Variants in RNLS observed in about 807,000 individuals in gnomAD.
RNLS encodes the protein renalase.
A neutral mutation model predicts 39.8 loss-of-function variants in RNLS; 39 were observed. The ratio of observed to expected loss-of-function variants is 0.98; its 90% CI spans 0.76 to 1.28. RNLS has a LOEUF of 1.28. RNLS is among the 50% of genes most tolerant of loss of function. The pLI is 0.00. For missense variants in RNLS, 410 were observed against 413.3 expected, an observed-to-expected ratio of 0.99 and a Z score of 0.07; for synonymous variants, 147 against 150.7, an observed-to-expected ratio of 0.98 and a Z score of 0.18.
intron 6 of RNLS, among the ~76,000 whole-genome samples, chr10:88,310,824 A>AAAAAAAAAAAAAG (rs1217903555): frequency 2.3e-3 from 265 of 113,046 alleles, no homozygotes; most frequent in Non-Finnish European, 3.1e-3. Flanking sequence ...AAAAAAAAAA[A>AAAAAAAAAAAAAG]AAAGAAAGAA....
the RNLS span, among the ~76,000 whole-genome samples, chr10:88,182,058 A>C: frequency 6.6e-6 from 1 of 152,162 alleles, no homozygotes; most frequent in African/African-American, 2.4e-5. Flanking sequence ...GGTGTGGGGT[A>C]GGTCAAATAT....
chr10:88,305,240 TTACAAAAACACA>T (rs1844834132), intron 6 of RNLS, among the ~76,000 whole-genome samples: 1 of 151,982 alleles, frequency 6.6e-6, no homozygotes, highest in Non-Finnish European at 1.5e-5. Context: ...TTACCAGCCA[TTACAAAAACACA>T]CTGAAGACCA....
intron 6 of RNLS, among the ~76,000 whole-genome samples, chr10:88,292,241 T>C (rs183176452): frequency 6.7e-6 from 1 of 150,342 alleles, no homozygotes; most frequent in Admixed American, 6.7e-5. Context: ...AAATATGATC[T>C]AGGATGCTGC....
At chr10:88,427,178 T>C (rs940071760) in intron 4 of RNLS, among the ~76,000 whole-genome samples, 2 of 152,048 alleles carry the variant, frequency 1.3e-5, no homozygotes, top group Non-Finnish European at 2.9e-5. Context: ...CTAGTGCGTC[T>C]AATCTTTACT....
the RNLS span, among the ~76,000 whole-genome samples, chr10:88,216,573 G>C: frequency 6.6e-6 from 1 of 152,150 alleles, no homozygotes; most frequent in Non-Finnish European, 1.5e-5. Flanking sequence ...TTATTGGATT[G>C]GCTTGGGTCA....
At chr10:88,541,918 G>A (rs971611246) in intron 4 of RNLS, among the ~76,000 whole-genome samples, 1 of 152,104 alleles carries the variant, frequency 6.6e-6, no homozygotes, top group South Asian at 2.1e-4. Context: ...GAACTAGGGA[G>A]CTGGGAAAGA....
Position 88,510,043 on chromosome 10 carries a change from C to T in RNLS, c.526+62860G>A, listed in dbSNP as rs539353938. 6.6e-5 allele frequency among the ~76,000 whole-genome samples: 10 copies of T among 152,168 alleles called. No individual in the cohort carries two copies. In the East Asian group the frequency reaches 1.9e-3, roughly 29 times the overall value. ...GATATTAACATTTGGAGTACATATG[C>T]CTACTGAGGCTTTTAATATAAATGA... On this transcript the variant is annotated intron_variant, in intron 4 of 6. Coordinates refer to ENST00000331772, the MANE Select transcript of RNLS (RefSeq NM_001031709.3).
intron 4 of RNLS, among the ~76,000 whole-genome samples, chr10:88,467,490 G>A (rs1843281367): frequency 6.6e-6 from 1 of 151,984 alleles, no homozygotes; most frequent in Non-Finnish European, 1.5e-5. Context: ...CTTTGACAGG[G>A]TAGGGTTTAC....
intron 5 of RNLS, among the ~76,000 whole-genome samples, chr10:88,342,875 C>G (rs1848053284): frequency 6.6e-6 from 1 of 152,032 alleles, no homozygotes; most frequent in Admixed American, 6.5e-5. Context: ...GGCTTCAGGC[C>G]AAATCTGGCC....
At chr10:88,433,867 T>C (rs1041525277) in intron 4 of RNLS, among the ~76,000 whole-genome samples, 1 of 152,140 alleles carries the variant, frequency 6.6e-6, no homozygotes, top group Non-Finnish European at 1.5e-5. Flanking sequence ...TAATGCAATA[T>C]GCTTATAATT....
At chr10:88,277,491 AG>A (rs1440282461) in intron 6 of RNLS, among the ~76,000 whole-genome samples, 4 of 152,308 alleles carry the variant, frequency 2.6e-5, no homozygotes, top group Non-Finnish European at 5.9e-5. Context: ...AGAAAAAAAA[AG>A]ATAGTCCTTT....
the RNLS span, among the ~76,000 whole-genome samples, chr10:88,228,909 C>T: frequency 6.6e-6 from 1 of 152,168 alleles, no homozygotes; most frequent in Admixed American, 6.5e-5. Context: ...CTTCCTCCTA[C>T]TCAATGTAGG....
chr10:88,554,915 C>T (rs1848782477), intron 4 of RNLS, among the ~76,000 whole-genome samples: 1 of 152,102 alleles, frequency 6.6e-6, no homozygotes, highest in Admixed American at 6.6e-5. Flanking sequence ...TTCTAACAGC[C>T]TAATTATTTG....
the RNLS span, among the ~76,000 whole-genome samples, chr10:88,209,498 G>C: frequency 6.6e-6 from 1 of 152,130 alleles, no homozygotes; most frequent in South Asian, 2.1e-4. Context: ...GGCAAGGAAG[G>C]ATTCTCTTCA....
intron 5 of RNLS, among the ~76,000 whole-genome samples, chr10:88,317,526 C>T (rs1158762330): frequency 6.6e-6 from 1 of 152,188 alleles, no homozygotes; most frequent in Non-Finnish European, 1.5e-5. Context: ...GAAGACTATT[C>T]CTGGGTATAG....
At chr10:88,182,849 C>A in the RNLS span, among the ~76,000 whole-genome samples, 62 of 151,934 alleles carry the variant, frequency 4.1e-4, no homozygotes, top group African/African-American at 1.5e-3. Context: ...GAAACAATAC[C>A]ATTAGCAAGT....
chr10:88,492,522 G>A (rs377292751), intron 4 of RNLS, among the ~76,000 whole-genome samples: 15 of 150,024 alleles, frequency 1.0e-4, no homozygotes, highest in Non-Finnish European at 1.9e-4. Flanking sequence ...AGGCTCAAGC[G>A]ATTCTCCTGC....
At chr10:88,214,128 T>A in the RNLS span, among the ~76,000 whole-genome samples, 15 of 152,290 alleles carry the variant, frequency 9.8e-5, no homozygotes, top group Non-Finnish European at 1.5e-4. Flanking sequence ...CAGTTGGCAG[T>A]AGTGGTAGTA....
chr10:88,423,688 C>T (rs1854542218), intron 4 of RNLS, among the ~76,000 whole-genome samples: 2 of 152,196 alleles, frequency 1.3e-5, no homozygotes, highest in Non-Finnish European at 2.9e-5. Context: ...GGCAATCTTG[C>T]TATTTATCTG....
Sources: gnomAD v4.1 joint callset for allele counts (sites outside exome capture counted in the v4.1 genomes callset) on GRCh38, gnomAD v4.1.1 for gene constraint, MANE v1.5 for transcripts, NCBI Gene and HGNC (gene_info 2026-07-23, HGNC 2026-07-21) for gene names.